Variants in DOCK2 observed in about 807,000 individuals in gnomAD.
The protein encoded by DOCK2 is dedicator of cytokinesis 2.
Under a neutral mutation model 248.9 loss-of-function variants are expected in DOCK2, and 87 were observed. That is an observed-to-expected ratio of 0.35 (90% confidence interval 0.29 to 0.42). The LOEUF (loss-of-function observed/expected upper bound fraction) is 0.42, where lower values mean the gene tolerates loss of function less well. DOCK2 is among the 10% of genes least tolerant of loss of function. DOCK2 has a pLI of 1.00. For missense variants in DOCK2, 1,747 were observed against 2,300.2 expected (o/e 0.76, Z 4.92); for synonymous variants, 805 against 821.6 (o/e 0.98, Z 0.35).
intron 27 of DOCK2, among the ~76,000 whole-genome samples, chr5:169,899,681 T>C (rs1294382040): frequency 6.6e-6 from 1 of 152,192 alleles, no homozygotes; most frequent in East Asian, 1.9e-4. Context: ...CCACGTTTTG[T>C]TGGGAGATGG....
rs538880787 is a variant in DOCK2 at position 169,803,234 on chromosome 5, C to T, written c.2703+28C>T. ...GAGTCCTCCTGATGATGTAGATATCCTGGACTCAGACTAGGGCTAAGTTGA... is the reference window on the plus strand; with the variant it reads ...GAGTCCTCCTGATGATGTAGATATCTTGGACTCAGACTAGGGCTAAGTTGA... On this transcript the variant is annotated intron_variant, in intron 26 of 51. Transcript: ENST00000520908. 1.9e-5 allele frequency: 30 copies of T among 1,606,356 alleles called. No homozygotes were observed. The South Asian group carries it at 2.9e-4, about 15-fold the overall frequency.
chr5:169,944,580 C>A (rs948890703), intron 27 of DOCK2, among the ~76,000 whole-genome samples: 1 of 152,196 alleles, frequency 6.6e-6, no homozygotes, highest in African/African-American at 2.4e-5. Context: ...TATGGAGTGA[C>A]CTTGGGAGAG....
chr5:169,808,939 C>A (rs1380664752), intron 26 of DOCK2, among the ~76,000 whole-genome samples: 1 of 151,794 alleles, frequency 6.6e-6, no homozygotes, highest in Non-Finnish European at 1.5e-5. Context: ...ATTGGCTAAA[C>A]CTGGGTGGGG....
chr5:169,859,477 G>A (rs993222880), intron 27 of DOCK2, among the ~76,000 whole-genome samples: 2 of 152,196 alleles, frequency 1.3e-5, no homozygotes, highest in Non-Finnish European at 2.9e-5. Context: ...TGCTTGATGG[G>A]CGTAGTGATC....
Position 169,764,229 on chromosome 5 carries a change from TCA to T in DOCK2, c.2554+2605_2554+2606del, listed in dbSNP as rs1764643188. Among the ~76,000 whole-genome samples, 1 of 152,210 alleles carries T rather than the reference TCA, an allele frequency of 6.6e-6. No homozygotes were observed. The highest frequency in any genetic ancestry group is 2.4e-5 in the African/African-American group (1 of 41,458). ...GATGTGCAAATTGCCTGGAGTATTT[TCA>T]GTGACAGTTGCTTGTACTCACAGCC... On this transcript the variant is annotated intron_variant, in intron 25 of 51. Transcript: ENST00000520908. This position sits in a 1 kb window ranked among gnomAD's most constrained non-coding sequence, Gnocchi z 4.3.
At position 170,050,201 on chromosome 5, in the gene DOCK2, C is replaced by A. The variant is rs565048418; in HGVS notation, c.4072-55C>A. The A allele has an allele frequency of 1.7e-5, 27 of 1,594,496 alleles. No individual in the cohort carries two copies. The South Asian group carries it at 2.6e-4, about 16-fold the overall frequency. On this transcript the variant is annotated intron_variant, in intron 40 of 51. Transcript: ENST00000520908. ...TTACAAGCTCCCCAGCTTTGCTTGG[C>A]CCCTTTCTTCACACCTGGGTCCCCA...
chr5:169,916,879 G>T (rs942148364), intron 27 of DOCK2, among the ~76,000 whole-genome samples: 1 of 152,142 alleles, frequency 6.6e-6, no homozygotes, highest in East Asian at 1.9e-4. Flanking sequence ...TAAGTAATGG[G>T]GCCTAGATTT....
In DOCK2 at chr5:169,915,557, A is replaced by AACACACACACACACAC. The variant is rs56728646; in HGVS notation, c.2800-67481_2800-67466dup. On this transcript the variant is annotated intron_variant, in intron 27 of 51. Coordinates refer to ENST00000520908, the MANE Select transcript of DOCK2 (RefSeq NM_004946.3). ...GAAAATATTTGAGGAATTGACAGGG[A>AACACACACACACACAC]ACACACACACACACACACACACACA... Among the ~76,000 whole-genome samples, 6 of 143,488 alleles carry AACACACACACACACAC rather than the reference A, an allele frequency of 4.2e-5. 1 individual carries two copies. The Admixed American group carries it at 4.2e-4, about 10-fold the overall frequency. The allele number at this position is 143,488 out of a possible 152,430, so 94.1% of individuals were successfully genotyped here.
chr5:169,670,424 TG>T, intron 3 of DOCK2, 117 bp from the exon 4 acceptor site: 1 of 1,166,318 alleles, frequency 8.6e-7, no homozygotes, highest in African/African-American at 1.6e-5. Context: ...CTTTAAAGTC[TG>T]GGGATTTTAT....
intron 6 of DOCK2, among the ~76,000 whole-genome samples, chr5:169,675,083 T>A (rs1483613925): frequency 6.6e-6 from 1 of 152,342 alleles, no homozygotes; most frequent in South Asian, 2.1e-4. Flanking sequence ...AATAACTCTA[T>A]GGAGTATGCA....
At chr5:169,958,713 G>GA (rs1353275044) in intron 27 of DOCK2, among the ~76,000 whole-genome samples, 3 of 152,028 alleles carry the variant, frequency 2.0e-5, no homozygotes, top group Non-Finnish European at 4.4e-5. Flanking sequence ...TTAAGGCCAG[G>GA]AAAAAAGCTG....
At chr5:169,693,529 G>A (rs989323664) in intron 9 of DOCK2, among the ~76,000 whole-genome samples, 1 of 152,152 alleles carries the variant, frequency 6.6e-6, no homozygotes, top group African/African-American at 2.4e-5. Context: ...ATTCATAAGA[G>A]ATTTCAGGAT....
rs373013317 is a variant in DOCK2 at position 169,945,526 on chromosome 5, G to A, written c.2800-37542G>A. Among the ~76,000 whole-genome samples, 247 of 152,352 alleles carry A rather than the reference G, an allele frequency of 1.6e-3. 3 individuals are homozygous for A. In the South Asian group the frequency reaches 0.043, roughly 27 times the overall value. ...GTTGTCTCATGCAATCTTCCCAGGCGTTCTTTTTTAATTAGGGAGATAGTA... is the reference window on the plus strand; with the variant it reads ...GTTGTCTCATGCAATCTTCCCAGGCATTCTTTTTTAATTAGGGAGATAGTA... On this transcript the variant is annotated intron_variant, in intron 27 of 51. Transcript: ENST00000520908.
chr5:170,077,265 C>G (rs1757867713), intron 47 of DOCK2, among the ~76,000 whole-genome samples: 1 of 152,092 alleles, frequency 6.6e-6, no homozygotes, highest in African/African-American at 2.4e-5. Flanking sequence ...ATTATGTAGT[C>G]ATGATAGATT....
intron 27 of DOCK2, among the ~76,000 whole-genome samples, chr5:169,960,421 T>C (rs1258467501): frequency 6.6e-6 from 1 of 152,226 alleles, no homozygotes; most frequent in East Asian, 1.9e-4. Context: ...TAATATGTCT[T>C]GTTTTTCAGC....
rs1479245337 is a variant in DOCK2, at chr5:169,804,485, TGCGC to T, written c.2703+1287_2703+1290del. Among the ~76,000 whole-genome samples, 3 of 68,094 alleles carry T rather than the reference TGCGC, an allele frequency of 4.4e-5. 1 individual carries two copies. The highest frequency in any genetic ancestry group is 4.2e-4 in the Admixed American group (2 of 4,776). 44.7% of individuals were successfully genotyped at this position (68,094 alleles called of 152,430 possible). On this transcript the variant is annotated intron_variant, in intron 26 of 51. Coordinates refer to ENST00000520908, the MANE Select transcript of DOCK2 (RefSeq NM_004946.3). Reference sequence around the variant, plus strand: ...GTGTGTGTGTGTGTGTGTGTGTGTGTGCGCGCGCGCGTGCGCGTAAGCATTTTTG... The same window carrying T: ...GTGTGTGTGTGTGTGTGTGTGTGTGTGCGCGCGTGCGCGTAAGCATTTTTG...
intron 27 of DOCK2, among the ~76,000 whole-genome samples, chr5:169,917,643 C>T (rs570289814): frequency 1.3e-5 from 2 of 152,188 alleles, no homozygotes; most frequent in South Asian, 4.2e-4. Flanking sequence ...ACTAGAAAGT[C>T]CCAAAGGAAT....
At chr5:169,863,833 C>T (rs1771360710) in intron 27 of DOCK2, among the ~76,000 whole-genome samples, 2 of 152,158 alleles carry the variant, frequency 1.3e-5, no homozygotes, top group Non-Finnish European at 2.9e-5. Context: ...TTCTATGGTA[C>T]CTGCTTATAA....
At chr5:169,905,135 A>T (rs1774204570) in intron 27 of DOCK2, among the ~76,000 whole-genome samples, 1 of 152,200 alleles carries the variant, frequency 6.6e-6, no homozygotes, top group South Asian at 2.1e-4. Context: ...TGGGTTTAGG[A>T]AGGGTTGCAA....
Sources: allele counts gnomAD v4.1 joint callset (sites outside exome capture counted in the v4.1 genomes callset), GRCh38; gene constraint gnomAD v4.1.1; non-coding constraint Gnocchi (gnomAD v3.1); transcripts MANE v1.5; gene names NCBI Gene and HGNC (gene_info 2026-07-23, HGNC 2026-07-21).